The following SLC24A2 variants were observed in gnomAD, a reference collection of about 807,000 sequenced individuals.
The protein encoded by SLC24A2 is solute carrier family 24 member 2, also known as sodium/potassium/calcium exchanger 2.
A neutral mutation model predicts 62.0 loss-of-function variants in SLC24A2; 36 were observed. The ratio of observed to expected loss-of-function variants is 0.58; its 90% CI spans 0.44 to 0.77. The LOEUF (loss-of-function observed/expected upper bound fraction) is 0.77, where lower values mean the gene tolerates loss of function less well. SLC24A2 is among the 30% of genes least tolerant of loss of function. The probability of loss-of-function intolerance (pLI) is 0.00; values close to 1 mark genes in which losing one functional copy is unlikely to be tolerated. For missense variants in SLC24A2, 846 were observed against 817.9 expected, an observed-to-expected ratio of 1.03 and a Z score of -0.42; for synonymous variants, 358 against 294.0, an observed-to-expected ratio of 1.22 and a Z score of -2.23.
chr9:20,269,100 T>C, the SLC24A2 span, among the ~76,000 whole-genome samples: 2 of 152,094 alleles, frequency 1.3e-5, no homozygotes, highest in South Asian at 2.1e-4. Context: ...TTTCAGGGGG[T>C]GGGGAGTTAC....
At chr9:19,895,721 G>C in the SLC24A2 span, 2 of 1,277,288 alleles carry the variant, frequency 1.6e-6, no homozygotes, top group African/African-American at 1.5e-5. Context: ...CCTGGGGCCT[G>C]GTGGTCGAGG....
chr9:19,871,515 C>T, the SLC24A2 span, among the ~76,000 whole-genome samples: 1 of 151,988 alleles, frequency 6.6e-6, no homozygotes, highest in Middle Eastern at 3.2e-3. Flanking sequence ...GCATTTGAAC[C>T]CCCTCTGGTG....
the SLC24A2 span, among the ~76,000 whole-genome samples, chr9:19,971,749 T>G: frequency 0.014 from 2,161 of 152,250 alleles, 49 homozygotes; most frequent in African/African-American, 0.049. Flanking sequence ...AGGTTCCATG[T>G]GATCACTTTG....
the SLC24A2 span, among the ~76,000 whole-genome samples, chr9:19,848,030 G>C: frequency 6.6e-6 from 1 of 152,110 alleles, no homozygotes; most frequent in African/African-American, 2.4e-5. Flanking sequence ...ACAACCATCA[G>C]CAACTACCTT....
the SLC24A2 span, among the ~76,000 whole-genome samples, chr9:20,191,357 C>T: frequency 6.6e-6 from 1 of 151,930 alleles, no homozygotes; most frequent in South Asian, 2.1e-4. Context: ...CTTCAAGATC[C>T]TGATTCACTT....
chr9:19,549,740 T>C (rs919715358), intron 8 of SLC24A2, among the ~76,000 whole-genome samples: 8 of 152,224 alleles, frequency 5.3e-5, no homozygotes, highest in Admixed American at 5.2e-4. Context: ...GTCTTTCTAC[T>C]TCAGGCCACA....
At chr9:19,766,935 G>C (rs1339204460) in intron 2 of SLC24A2, among the ~76,000 whole-genome samples, 1 of 152,168 alleles carries the variant, frequency 6.6e-6, no homozygotes, top group Non-Finnish European at 1.5e-5. Context: ...GGAGATGGGA[G>C]TTTTATCTAT....
chr9:19,878,507 C>T, the SLC24A2 span, among the ~76,000 whole-genome samples: 208 of 152,222 alleles, frequency 1.4e-3, no homozygotes, highest in African/African-American at 4.5e-3. Flanking sequence ...GGTTTAGATT[C>T]GTGTCCCCAC....
chr9:19,674,436 C>T (rs918397994), intron 2 of SLC24A2, among the ~76,000 whole-genome samples: 1 of 152,286 alleles, frequency 6.6e-6, no homozygotes, highest in Non-Finnish European at 1.5e-5. Flanking sequence ...GGGAAGTTTT[C>T]CTTGATTATC....
chr9:20,102,959 C>G, the SLC24A2 span, among the ~76,000 whole-genome samples: 1 of 152,138 alleles, frequency 6.6e-6, no homozygotes, highest in East Asian at 1.9e-4. Context: ...AAAGGGGTGA[C>G]AGACGGTACC....
Position 19,509,982 on chromosome 9 carries a change from T to G in SLC24A2, c.*6171A>C, listed in dbSNP as rs570897294. On this transcript the variant is annotated 3_prime_UTR_variant, in exon 11 of 11. Transcript: ENST00000341998. Reference sequence around the variant, plus strand: ...TGCAGTACTGGTTAATAAGTGGAGATCCAATCATTTATCCCAGTTTCATAT... The same window carrying G: ...TGCAGTACTGGTTAATAAGTGGAGAGCCAATCATTTATCCCAGTTTCATAT... 1 of 152,322 alleles carries G rather than the reference T, an allele frequency of 6.6e-6. No individual in the cohort carries two copies. Among genetic ancestry groups the G allele is most frequent in the East Asian group, 1.9e-4 (1 of 5,184 alleles). 9.4% of individuals were successfully genotyped at this position (152,322 alleles called of 1,614,324 possible). A position where few individuals can be genotyped will look rare whatever the true frequency, so the allele number is the denominator to read the frequency against.
chr9:20,133,442 C>T, the SLC24A2 span, among the ~76,000 whole-genome samples: 1 of 152,072 alleles, frequency 6.6e-6, no homozygotes, highest in Non-Finnish European at 1.5e-5. Context: ...ATCAGTTTTT[C>T]TTAAATATGC....
the SLC24A2 span, among the ~76,000 whole-genome samples, chr9:20,180,349 G>A: frequency 6.6e-6 from 1 of 152,156 alleles, no homozygotes; most frequent in South Asian, 2.1e-4. Context: ...ATAAATGGAT[G>A]TCTTATTTAA....
In SLC24A2 at chr9:19,777,599, G is replaced by A. The variant is rs538264454; in HGVS notation, c.930+8338C>T. ...ATGATGGGGAAAAGGCTCCATAATA[G>A]GCCAAAAATTTGTAAAAACCTTAAA... On this transcript the variant is annotated intron_variant, in intron 2 of 10. Coordinates refer to ENST00000341998, the MANE Select transcript of SLC24A2 (RefSeq NM_020344.4). Among the ~76,000 whole-genome samples, 381 of 152,044 alleles carry A rather than the reference G, an allele frequency of 2.5e-3. 2 individuals carry two copies. Among genetic ancestry groups the A allele is most frequent in the African/African-American group, 8.7e-3 (363 of 41,502 alleles).
intron 2 of SLC24A2, among the ~76,000 whole-genome samples, chr9:19,683,774 G>A (rs934649888): frequency 1.3e-5 from 2 of 152,054 alleles, no homozygotes; most frequent in Non-Finnish European, 2.9e-5. Context: ...TGCTGAGATG[G>A]GAGCATTTAA....
At chr9:19,755,153 G>T (rs1822101817) in intron 2 of SLC24A2, among the ~76,000 whole-genome samples, 1 of 152,084 alleles carries the variant, frequency 6.6e-6, no homozygotes, top group Non-Finnish European at 1.5e-5. Flanking sequence ...TTGCAACCAG[G>T]GGCAAGTTCC....
intron 8 of SLC24A2, among the ~76,000 whole-genome samples, chr9:19,545,270 G>C (rs889972105): frequency 6.6e-6 from 1 of 151,786 alleles, no homozygotes; most frequent in African/African-American, 2.4e-5. Flanking sequence ...GTGTTTTTCA[G>C]CTCCATCAGG....
At chr9:19,604,616 A>C (rs1283470772) in intron 4 of SLC24A2, among the ~76,000 whole-genome samples, 1 of 152,174 alleles carries the variant, frequency 6.6e-6, no homozygotes, top group East Asian at 1.9e-4. Context: ...AAGGGAGGAG[A>C]GGAAAACCAG....
chr9:19,567,798 G>C (rs536366031), intron 7 of SLC24A2, among the ~76,000 whole-genome samples: 41 of 151,620 alleles, frequency 2.7e-4, no homozygotes, highest in African/African-American at 9.7e-4. Flanking sequence ...ATTGGGAAAA[G>C]CTAGTGATCG....
Sources: gnomAD v4.1 joint callset for allele counts (sites outside exome capture counted in the v4.1 genomes callset) on GRCh38, gnomAD v4.1.1 for gene constraint, MANE v1.5 for transcripts, NCBI Gene and HGNC (gene_info 2026-07-23, HGNC 2026-07-21) for gene names.